LZTFL1: variants seen among roughly 807,000 people sequenced by gnomAD.
The protein encoded by LZTFL1 is leucine zipper transcription factor-like protein 1.
A neutral mutation model predicts 45.9 loss-of-function variants in LZTFL1; 25 were observed. That is an observed-to-expected ratio of 0.54 (90% CI 0.40 to 0.76). The LOEUF is 0.76. Ranked by LOEUF, LZTFL1 falls within the 30% of genes least tolerant of loss-of-function variation. LZTFL1 has a pLI of 0.00. For missense variants in LZTFL1, 277 were observed against 331.1 expected (o/e 0.84, Z 1.27); for synonymous variants, 93 against 117.4 (o/e 0.79, Z 1.35).
intron 2 of LZTFL1, among the ~76,000 whole-genome samples, chr3:45,890,337 C>CAGATATATATTTATATAAATAT (rs1702131862): frequency 1.6e-5 from 1 of 63,160 alleles, no homozygotes; most frequent in Non-Finnish European, 2.5e-5. Flanking sequence ...ATATATATAA[C>CAGATATATATTTATATAAATAT]ATATATATAT....
upstream of LZTFL1, among the ~76,000 whole-genome samples, chr3:45,843,883 C>T (rs900544519): frequency 2.0e-5 from 3 of 152,110 alleles, no homozygotes; most frequent in African/African-American, 4.8e-5. Context: ...GCAAACAATT[C>T]GAGCCGTGAG....
Position 45,842,057 on chromosome 3 carries a change from G to C in LZTFL1, c.-66C>G. ...CCAGGCGGTGCCCCGCCAAGCCTGG[G>C]ATCGCCGAGGGTAGTTGGACCACAG... On this transcript the variant is annotated 5_prime_UTR_variant, in exon 1 of 10. The change creates a new upstream start codon in the 5' untranslated region. Transcript: ENST00000296135. 1.2e-6 allele frequency: 2 copies of C among 1,600,392 alleles called. No individual in the cohort carries two copies. Among genetic ancestry groups the C allele is most frequent in the Non-Finnish European group, 8.5e-7 (1 of 1,175,284 alleles).
At chr3:45,884,735 G>C (rs1437686404) in intron 2 of LZTFL1, among the ~76,000 whole-genome samples, 1 of 152,214 alleles carries the variant, frequency 6.6e-6, no homozygotes, top group Non-Finnish European at 1.5e-5. Flanking sequence ...AATTGCAATA[G>C]TGCGTGTCTC....
At chr3:45,829,022 T>G (rs1454209776) in intron 7 of LZTFL1, among the ~76,000 whole-genome samples, 2 of 152,184 alleles carry the variant, frequency 1.3e-5, no homozygotes, top group Non-Finnish European at 2.9e-5. Flanking sequence ...AGTAATATAA[T>G]TTATACCAAA....
At chr3:45,837,831 C>T in intron 2 of LZTFL1, 96 bp downstream of exon 2, 1 of 1,315,634 alleles carries the variant, frequency 7.6e-7, no homozygotes, top group South Asian at 1.6e-5. Flanking sequence ...ATGATGAATC[C>T]CAGAAATTGT....
rs1226644574 is a variant in LZTFL1, at chr3:45,882,613, G to A, written c.-214-23597C>T. Among the ~76,000 whole-genome samples the A allele has an allele frequency of 3.3e-5, 5 of 152,174 alleles. No individual in the cohort carries two copies. The East Asian group carries it at 5.8e-4, about 18-fold the overall frequency. On this transcript the variant is annotated intron_variant, in intron 2 of 4. Coordinates refer to the LZTFL1 transcript ENST00000472635. Reference sequence around the variant, plus strand: ...ATATTGGAATGAACAAGAGGTAACCGACTTGATCATATATTGTAATGAACA... The same window carrying A: ...ATATTGGAATGAACAAGAGGTAACCAACTTGATCATATATTGTAATGAACA...
At chr3:45,868,854 C>T (rs953215247) in intron 2 of LZTFL1, among the ~76,000 whole-genome samples, 1 of 152,182 alleles carries the variant, frequency 6.6e-6, no homozygotes, top group Non-Finnish European at 1.5e-5. Context: ...ACCTCCCAAA[C>T]GTGGATATAA....
intron 4 of LZTFL1, among the ~76,000 whole-genome samples, chr3:45,852,071 GC>G (rs1360012810): frequency 1.1e-4 from 17 of 152,144 alleles, no homozygotes; most frequent in African/African-American, 4.1e-4. Flanking sequence ...TGATCCTCCT[GC>G]TACTTTTCTA....
At chr3:45,838,164 C>A in intron 1 of LZTFL1, 113 bp from the exon 2 acceptor site, 3 of 1,175,364 alleles carry the variant, frequency 2.6e-6, no homozygotes, top group Non-Finnish European at 3.5e-6. Flanking sequence ...CCATCAAATT[C>A]TATTCTTCCC....
chr3:45,894,828 A>G, intron 2 of LZTFL1: 2 of 976,386 alleles, frequency 2.0e-6, no homozygotes, highest in South Asian at 1.3e-5. Flanking sequence ...TTAAAATTTA[A>G]TCTCCATCTT....
intron 2 of LZTFL1, chr3:45,897,416 C>T: frequency 1.5e-6 from 1 of 657,490 alleles, no homozygotes; most frequent in South Asian, 1.7e-5. Flanking sequence ...AAACTATGCC[C>T]CCTGGGCTTC....
At chr3:45,876,955 G>A (rs974612761) in intron 2 of LZTFL1, among the ~76,000 whole-genome samples, 1 of 152,128 alleles carries the variant, frequency 6.6e-6, no homozygotes, top group Admixed American at 6.5e-5. Flanking sequence ...TCTCTTCAAA[G>A]CCTCCTGGAC....
At chr3:45,836,853 T>C (rs1037540248) in intron 2 of LZTFL1, among the ~76,000 whole-genome samples, 1 of 152,142 alleles carries the variant, frequency 6.6e-6, no homozygotes, top group African/African-American at 2.4e-5. Flanking sequence ...GGGCAAAGGA[T>C]TCATGCCCAA....
chr3:45,863,641 G>T (rs560456332), intron 2 of LZTFL1, among the ~76,000 whole-genome samples: 1 of 152,262 alleles, frequency 6.6e-6, no homozygotes, highest in South Asian at 2.1e-4. Flanking sequence ...TTTAACTTGG[G>T]TCTAATCAAT....
rs892317598 is a variant in LZTFL1 at position 45,823,952 on chromosome 3, G to C, written c.*2362C>G. The C allele has an allele frequency of 6.6e-6, 1 of 152,176 alleles. No homozygotes were observed. Among genetic ancestry groups the C allele is most frequent in the Non-Finnish European group, 1.5e-5 (1 of 68,030 alleles). 9.4% of individuals were successfully genotyped at this position (152,176 alleles called of 1,614,324 possible). On this transcript the variant is annotated 3_prime_UTR_variant, in exon 10 of 10. Coordinates refer to ENST00000296135, the MANE Select transcript of LZTFL1 (RefSeq NM_020347.4). Reference sequence around the variant, plus strand: ...AAGATTACACAGTCAAGGTAGGGCAGTATTTTTCTTATGCTGAGTTTTATA... The same window carrying C: ...AAGATTACACAGTCAAGGTAGGGCACTATTTTTCTTATGCTGAGTTTTATA...
chr3:45,914,076 C>T (rs935605810), intron 1 of LZTFL1, among the ~76,000 whole-genome samples: 6 of 152,130 alleles, frequency 3.9e-5, no homozygotes, highest in South Asian at 2.1e-4. Flanking sequence ...TTGAGGAAGA[C>T]GGCCTGGTTC....
intron 1 of LZTFL1, among the ~76,000 whole-genome samples, chr3:45,841,449 TAA>T (rs1701110273): frequency 6.6e-6 from 1 of 152,198 alleles, no homozygotes; most frequent in South Asian, 2.1e-4. Context: ...CTGGGATTCT[TAA>T]AGTCACCTCC....
chr3:45,888,202 C>T (rs935215596), intron 2 of LZTFL1, among the ~76,000 whole-genome samples: 3 of 152,210 alleles, frequency 2.0e-5, no homozygotes, highest in African/African-American at 7.2e-5. Flanking sequence ...CCTGCACATA[C>T]CCCATGCTTT....
intron 2 of LZTFL1, among the ~76,000 whole-genome samples, chr3:45,863,931 T>C (rs1190654819): frequency 3.3e-5 from 5 of 152,266 alleles, no homozygotes; most frequent in Admixed American, 2.6e-4. Flanking sequence ...TATTAGATGA[T>C]ATTAAAGAAT....
Sources: allele counts gnomAD v4.1 joint callset (sites outside exome capture counted in the v4.1 genomes callset), GRCh38; gene constraint gnomAD v4.1.1; transcripts MANE v1.5; gene names NCBI Gene and HGNC (gene_info 2026-07-23, HGNC 2026-07-21).